TTC21A: variants seen among roughly 807,000 people sequenced by gnomAD.
The protein encoded by TTC21A is tetratricopeptide repeat domain 21A.
TTC21A carries 128 observed loss-of-function variants against 156.4 expected under a neutral mutation model. That is an observed-to-expected ratio of 0.82 (90% CI 0.71 to 0.95). The LOEUF is 0.95. Among genes scored for constraint, TTC21A ranks in the 40% least tolerant of loss-of-function variants. The probability of loss-of-function intolerance (pLI) is 0.00; values close to 1 mark genes in which losing one functional copy is unlikely to be tolerated. For missense variants in TTC21A, 1,435 were observed against 1,602.3 expected, an observed-to-expected ratio of 0.90 and a Z score of 1.78; for synonymous variants, 587 against 617.1, an observed-to-expected ratio of 0.95 and a Z score of 0.72.
chr3:39,132,232 G>A (rs1205969457), intron 19 of TTC21A, among the ~76,000 whole-genome samples: 6 of 152,178 alleles, frequency 3.9e-5, no homozygotes, highest in Admixed American at 6.5e-5. Flanking sequence ...GACCAGCATC[G>A]TATATGTGGT....
intron 7 of TTC21A, 45 bp from the exon 8 acceptor site, chr3:39,119,877 G>A (rs952913355): frequency 5.7e-6 from 8 of 1,396,222 alleles, no homozygotes; most frequent in Non-Finnish European, 8.1e-6. Context: ...GCGCAACTCT[G>A]ACCTTGCACC....
rs533087629 is a variant in TTC21A at position 39,112,762 on chromosome 3, T to A, written c.558+182T>A. On this transcript the variant is annotated intron_variant, in intron 5 of 28. Transcript: ENST00000683103. ...GGTTACACAGCAGTCCAAGGTCCACTCTACTTCTCAGATTTCTTCCTGCTT... is the reference window on the plus strand; with the variant it reads ...GGTTACACAGCAGTCCAAGGTCCACACTACTTCTCAGATTTCTTCCTGCTT... 3.4e-5 allele frequency: 14 copies of A among 408,234 alleles called. No homozygotes were observed. The East Asian group carries it at 1.6e-3, about 47-fold the overall frequency. 25.3% of individuals were successfully genotyped at this position (408,234 alleles called of 1,614,324 possible).
At chr3:39,122,101 G>A (rs530447197) in intron 9 of TTC21A, among the ~76,000 whole-genome samples, 47 of 152,252 alleles carry the variant, frequency 3.1e-4, no homozygotes, top group Non-Finnish European at 5.7e-4. Flanking sequence ...TTGAGGTCAG[G>A]AATTCGAGAC....
intron 8 of TTC21A, among the ~76,000 whole-genome samples, chr3:39,120,293 G>A (rs927945109): frequency 1.3e-5 from 2 of 152,176 alleles, no homozygotes; most frequent in Non-Finnish European, 2.9e-5. Context: ...AGTGGGCTGT[G>A]CCTTATTTGG....
At chr3:39,132,476 C>CT (rs2038800827) in intron 19 of TTC21A, among the ~76,000 whole-genome samples, 2 of 152,354 alleles carry the variant, frequency 1.3e-5, no homozygotes, top group South Asian at 4.1e-4. Context: ...GGCCCACTCT[C>CT]TGACTGTTTG....
At chr3:39,117,557 T>C (rs574442501) in intron 6 of TTC21A, among the ~76,000 whole-genome samples, 3 of 152,340 alleles carry the variant, frequency 2.0e-5, no homozygotes, top group African/African-American at 4.8e-5. Context: ...ACCATGGTCA[T>C]GTCTGGTTAG....
chr3:39,110,973 G>C lies in TTC21A; in HGVS notation c.391G>C (p.Glu131Gln), dbSNP rs750152477. 8 of 1,613,848 alleles carry C rather than the reference G, an allele frequency of 5.0e-6. No individual in the cohort carries two copies. The highest frequency in any genetic ancestry group is 6.8e-6 in the Non-Finnish European group (8 of 1,179,846). Residue 131 changes from glutamate to glutamine, a missense_variant, in exon 4 of 29, where the codon GAG (glutamate) becomes CAG (glutamine). Glu to Gln is a conservative substitution (Grantham distance 29). Coordinates refer to ENST00000683103, the MANE Select transcript of TTC21A (RefSeq NM_001366900.1). ...WLIGRHDKAKEYIDRMLKISR... is the reference protein window; with the variant it reads ...WLIGRHDKAKQYIDRMLKISR... ...CATAGGCCGCCATGACAAGGCCAAA[G>C]AGTACATTGACCGCATGCTGAAGAT...
chr3:39,107,926 C>G (rs2036361597), intron 1 of TTC21A, 62 bp downstream of exon 1: 1 of 1,593,258 alleles, frequency 6.3e-7, no homozygotes, highest in South Asian at 1.1e-5. Context: ...ACCCAGAGAC[C>G]GTCTGCCCTG....
chr3:39,120,688 C>A (rs990818919), intron 8 of TTC21A, among the ~76,000 whole-genome samples: 1 of 152,216 alleles, frequency 6.6e-6, no homozygotes, highest in African/African-American at 2.4e-5. Context: ...CTTCTTATTA[C>A]TGGACACATT....
chr3:39,133,294 G>A, intron 20 of TTC21A, 54 bp downstream of exon 20: 1 of 1,565,476 alleles, frequency 6.4e-7, no homozygotes, highest in South Asian at 1.1e-5. Flanking sequence ...ACAATGACTT[G>A]CTGAGCTCAC....
intron 22 of TTC21A, 68 bp from the exon 23 acceptor site, chr3:39,136,289 C>T: frequency 6.5e-7 from 1 of 1,541,008 alleles, no homozygotes; most frequent in South Asian, 1.3e-5. Context: ...TCTCCTAGGG[C>T]CCCAGCACCC....
chr3:39,125,004 A>G, intron 9 of TTC21A, 59 bp from the exon 10 acceptor site: 1 of 1,110,962 alleles, frequency 9.0e-7, no homozygotes, highest in Non-Finnish European at 1.4e-6. Flanking sequence ...CCTTGACCTG[A>G]TGGGCTGCTG....
Position 39,119,983 on chromosome 3 carries a change from G to A in TTC21A, c.863G>A (p.Ser288Asn), listed in dbSNP as rs1338987275. Residue 288 changes from serine (S) to asparagine (N), a missense_variant, in exon 8 of 29, where the codon AGC (serine) becomes AAC (asparagine). Physicochemically the swap from Ser to Asn is conservative, Grantham distance 46. Transcript: ENST00000683103. ...ALETREPENP[S>N]LHLKKIIVVS... is the part of the protein sequence containing the mutation. ...GAGACAAGGGAACCCGAAAATCCAA[G>A]CCTCCATCTTAAAAAAATTATTGTG... is the stretch of plus-strand genomic sequence containing the variant. The A allele has an allele frequency of 1.2e-6, 2 of 1,609,404 alleles. No individual in the cohort carries two copies. The highest frequency in any genetic ancestry group is 1.3e-5 in the African/African-American group (1 of 74,312).
At position 39,135,431 on chromosome 3, in the gene TTC21A, A is replaced by T. The variant is rs182887927; in HGVS notation, c.2944+257A>T. Among the ~76,000 whole-genome samples, 747 of 152,334 alleles carry T rather than the reference A, an allele frequency of 4.9e-3. 11 individuals are homozygous for T. Among genetic ancestry groups the T allele is most frequent in the African/African-American group, 0.016 (678 of 41,572 alleles). On this transcript the variant is annotated intron_variant, in intron 22 of 28. Coordinates refer to ENST00000683103, the MANE Select transcript of TTC21A (RefSeq NM_001366900.1). ...CATGTCTGTCCCCAAATCACAGCCAATGGGGCTTGACACAGTCCCCTTTTG... is the reference window on the plus strand; with the variant it reads ...CATGTCTGTCCCCAAATCACAGCCATTGGGGCTTGACACAGTCCCCTTTTG...
At chr3:39,127,510 A>G (rs1040065789) in intron 12 of TTC21A, among the ~76,000 whole-genome samples, 5 of 152,180 alleles carry the variant, frequency 3.3e-5, no homozygotes, top group African/African-American at 7.2e-5. Flanking sequence ...GTAGGTTGCC[A>G]TGGTGACCTC....
rs928954895 is a variant in TTC21A at position 39,136,523 on chromosome 3, T to C, written c.3095+16T>C. The C allele has an allele frequency of 6.2e-7, 1 of 1,613,014 alleles. No individual in the cohort carries two copies. The highest frequency in any genetic ancestry group is 8.5e-7 in the Non-Finnish European group (1 of 1,179,366). ...TCTACTGCTGGTGAGTTGGGTGTGGTGTGTTGAGGGGCAGCTGTGTGCAGG... is the reference window on the plus strand; with the variant it reads ...TCTACTGCTGGTGAGTTGGGTGTGGCGTGTTGAGGGGCAGCTGTGTGCAGG... On this transcript the variant is annotated intron_variant, in intron 23 of 28. Transcript: ENST00000683103.
chr3:39,114,487 G>A, intron 5 of TTC21A, 98 bp from the exon 6 acceptor site: 2 of 1,256,296 alleles, frequency 1.6e-6, no homozygotes, highest in Non-Finnish European at 2.3e-6. Context: ...GTCAGGTTCT[G>A]TTCCTGTTTT....
In TTC21A at chr3:39,107,962, C is replaced by T. The variant is rs1657484607; in HGVS notation, c.27+98C>T. The T allele has an allele frequency of 8.2e-6, 12 of 1,470,534 alleles. No homozygotes were observed. The South Asian group carries it at 1.4e-4, about 17-fold the overall frequency. 91.1% of individuals were successfully genotyped at this position (1,470,534 alleles called of 1,614,324 possible). ...CTACTCTCCTGCCACCCTTCGCTGTCCTCAGTTATATCAGGCGGTCCTGCC... is the reference window on the plus strand; with the variant it reads ...CTACTCTCCTGCCACCCTTCGCTGTTCTCAGTTATATCAGGCGGTCCTGCC... On this transcript the variant is annotated intron_variant, in intron 1 of 28. Coordinates refer to ENST00000683103, the MANE Select transcript of TTC21A (RefSeq NM_001366900.1).
chr3:39,119,869 G>T, intron 7 of TTC21A, 53 bp from the exon 8 acceptor site: 1 of 1,298,692 alleles, frequency 7.7e-7, no homozygotes, highest in Non-Finnish European at 1.1e-6. Flanking sequence ...GAACCACGGC[G>T]CAACTCTGAC....
Sources: allele counts gnomAD v4.1 joint callset (sites outside exome capture counted in the v4.1 genomes callset), GRCh38; gene constraint gnomAD v4.1.1; transcripts MANE v1.5; gene names NCBI Gene and HGNC (gene_info 2026-07-23, HGNC 2026-07-21).